Variants in LRRC74A observed in about 807,000 individuals in gnomAD.
LRRC74A encodes leucine-rich repeat-containing protein 74A.
A neutral mutation model predicts 57.9 loss-of-function variants in LRRC74A; 44 were observed. The ratio of observed to expected loss-of-function variants is 0.76; its 90% CI spans 0.60 to 0.98. The LOEUF (loss-of-function observed/expected upper bound fraction) is 0.98. LRRC74A is among the 50% of genes least tolerant of loss of function. The probability of loss-of-function intolerance (pLI) is 0.00; values close to 1 mark genes in which losing one functional copy is unlikely to be tolerated. For missense variants in LRRC74A, 572 were observed against 574.0 expected (o/e 1.00, Z 0.04); for synonymous variants, 211 against 219.4 (o/e 0.96, Z 0.34).
chr14:76,844,132 G>A (rs1896960509), intron 5 of LRRC74A, among the ~76,000 whole-genome samples: 1 of 152,196 alleles, frequency 6.6e-6, no homozygotes, highest in African/African-American at 2.4e-5. Flanking sequence ...CAAAGTAGCT[G>A]GGACCACAGG....
At chr14:76,869,148 C>T (rs78643421) in intron 13 of LRRC74A, among the ~76,000 whole-genome samples, 3,904 of 151,138 alleles carry the variant, frequency 0.026, 143 homozygotes, top group Admixed American at 0.092. Flanking sequence ...CTGCCCCGTA[C>T]CTAAAGTGGC....
chr14:76,859,397 G>A (rs1468568745), intron 10 of LRRC74A, among the ~76,000 whole-genome samples: 1 of 152,014 alleles, frequency 6.6e-6, no homozygotes, highest in Admixed American at 6.6e-5. Flanking sequence ...AGCCGGCCAT[G>A]GTGGCGCATG....
chr14:76,867,473 GC>G, intron 13 of LRRC74A, 35 bp downstream of exon 13: 1 of 1,173,324 alleles, frequency 8.5e-7, no homozygotes, highest in Non-Finnish European at 1.3e-6. Context: ...CCCGTTCTCT[GC>G]AAGGGGCCCT....
chr14:76,847,135 G>A (rs953520133), intron 7 of LRRC74A, among the ~76,000 whole-genome samples: 1 of 152,152 alleles, frequency 6.6e-6, no homozygotes, highest in African/African-American at 2.4e-5. Context: ...GAAGGGTGCA[G>A]TGCAGGAAGA....
chr14:76,840,536 T>C (rs1490744919), intron 5 of LRRC74A, among the ~76,000 whole-genome samples: 1 of 151,900 alleles, frequency 6.6e-6, no homozygotes, highest in Non-Finnish European at 1.5e-5. Context: ...TAAATATAGG[T>C]TTCCTTCTAG....
At chr14:76,833,255 T>G (rs949205845) in intron 3 of LRRC74A, among the ~76,000 whole-genome samples, 2 of 152,114 alleles carry the variant, frequency 1.3e-5, no homozygotes, top group African/African-American at 4.8e-5. Context: ...CCATGTCTAT[T>G]CAGTTATGAA....
chr14:76,870,230 G>A lies in LRRC74A; in HGVS notation c.*81G>A. 2 of 1,459,528 alleles carry A rather than the reference G, an allele frequency of 1.4e-6. No individual in the cohort carries two copies. The highest frequency in any genetic ancestry group is 2.4e-5 in the East Asian group (1 of 41,886). 90.4% of individuals were successfully genotyped at this position (1,459,528 alleles called of 1,614,324 possible). A position where few individuals can be genotyped will look rare whatever the true frequency, so the allele number is the denominator to read the frequency against. ...GGTGGCAGGGAGGAGAGCAAGAGGT[G>A]GCTGAAATCTCGATGGACAGATGCT... On this transcript the variant is annotated 3_prime_UTR_variant, in exon 14 of 14. Transcript: ENST00000689127.
chr14:76,850,738 G>T (rs527468124), intron 7 of LRRC74A, among the ~76,000 whole-genome samples: 2 of 151,898 alleles, frequency 1.3e-5, no homozygotes, highest in African/African-American at 2.4e-5. Flanking sequence ...CGTGGTGGCA[G>T]GCGCCTATAA....
At chr14:76,829,029 G>A (rs1329519464) in intron 2 of LRRC74A, 3 of 1,289,372 alleles carry the variant, frequency 2.3e-6, no homozygotes, top group Non-Finnish European at 3.0e-6. Flanking sequence ...ATCGGGACTG[G>A]CTGAGCTGAA....
chr14:76,836,072 C>T lies in LRRC74A; in HGVS notation c.340-135C>T, dbSNP rs141248179. The T allele has an allele frequency of 2.4e-3, 1,555 of 656,472 alleles. 5 individuals carry two copies. The highest frequency in any genetic ancestry group is 0.019 in the Middle Eastern group (65 of 3,484). The allele number at this position is 656,472 out of a possible 1,614,324, so 40.7% of individuals were successfully genotyped here. ...GGTTCAGCCCCCGTTCTGGTCTCCT[C>T]GCCCTTGCCAGGCCTTCAGAATTCC... is the stretch of plus-strand genomic sequence containing the variant. On this transcript the variant is annotated intron_variant, in intron 3 of 13. Coordinates refer to ENST00000689127, the MANE Select transcript of LRRC74A (RefSeq NM_001385106.1).
chr14:76,854,701 G>A (rs976076825), intron 9 of LRRC74A, among the ~76,000 whole-genome samples: 1 of 152,194 alleles, frequency 6.6e-6, no homozygotes, highest in African/African-American at 2.4e-5. Flanking sequence ...TAGAAGCCCA[G>A]TGTGCTTCTG....
At chr14:76,845,591 G>A (rs1897066175) in intron 7 of LRRC74A, among the ~76,000 whole-genome samples, 1 of 152,128 alleles carries the variant, frequency 6.6e-6, no homozygotes, top group South Asian at 2.1e-4. Flanking sequence ...AAACCCCTGG[G>A]ACATGCAATT....
intron 1 of LRRC74A, among the ~76,000 whole-genome samples, chr14:76,827,298 C>T (rs968800598): frequency 1.3e-5 from 2 of 152,116 alleles, no homozygotes; most frequent in African/African-American, 2.4e-5. Flanking sequence ...GAACCTGGGT[C>T]TATGGACAAG....
intron 11 of LRRC74A, among the ~76,000 whole-genome samples, chr14:76,861,800 G>GC (rs1187059919): frequency 6.6e-6 from 1 of 152,248 alleles, no homozygotes; most frequent in Non-Finnish European, 1.5e-5. Flanking sequence ...TGGCCGCAGA[G>GC]CGGTTACTAC....
chr14:76,828,250 G>A (rs759341485), intron 1 of LRRC74A, 41 bp from the exon 2 acceptor site: 2 of 1,555,046 alleles, frequency 1.3e-6, no homozygotes, highest in East Asian at 2.3e-5. Flanking sequence ...AGGCCAGCAA[G>A]TTTTATTCCT....
In LRRC74A at chr14:76,844,889, G is replaced by A; in HGVS notation, c.664G>A (p.Gly222Ser). The change falls in exon 7 of 14, where the codon GGC (glycine) becomes AGC (serine). Residue 222 changes from glycine (G) to serine (S), a missense_variant. Coordinates refer to ENST00000689127, the MANE Select transcript of LRRC74A (RefSeq NM_001385106.1). ...CTCTGATGTAGGAGGGGAGCACCTG[G>A]GCCAGATGCTGGGTGAGTCTCCCTG... ...QFSDVGGEHL[G>S]QMLAINVGLT... 1 of 1,575,466 alleles carries A rather than the reference G, an allele frequency of 6.3e-7. No homozygotes were observed. The highest frequency in any genetic ancestry group is 8.7e-7 in the Non-Finnish European group (1 of 1,145,044).
intron 7 of LRRC74A, among the ~76,000 whole-genome samples, chr14:76,845,214 C>G (rs1282164759): frequency 6.6e-6 from 1 of 152,032 alleles, no homozygotes; most frequent in Non-Finnish European, 1.5e-5. Context: ...ATCCCAGCTA[C>G]TCGGAAGGCT....
intron 5 of LRRC74A, among the ~76,000 whole-genome samples, chr14:76,839,674 A>G (rs138066903): frequency 6.6e-6 from 1 of 152,310 alleles, no homozygotes; most frequent in East Asian, 1.9e-4. Context: ...TTTTCTATGA[A>G]ATGTCAATTG....
chr14:76,861,138 G>C (rs1425981426), intron 11 of LRRC74A, among the ~76,000 whole-genome samples: 1 of 152,200 alleles, frequency 6.6e-6, no homozygotes, highest in Non-Finnish European at 1.5e-5. Flanking sequence ...GTATGACCAA[G>C]GGCAAGTTAC....
Sources: allele counts gnomAD v4.1 joint callset (sites outside exome capture counted in the v4.1 genomes callset), GRCh38; gene constraint gnomAD v4.1.1; transcripts MANE v1.5; gene names NCBI Gene and HGNC (gene_info 2026-07-23, HGNC 2026-07-21).